COL1A1: variants seen among roughly 807,000 people sequenced by gnomAD.
COL1A1 encodes collagen type I alpha 1 chain, also known as collagen alpha-1(I) chain.
COL1A1 carries 21 observed loss-of-function variants against 195.7 expected under a neutral mutation model. The ratio of observed to expected loss-of-function variants is 0.11; its 90% CI spans 0.08 to 0.15. The LOEUF is 0.15. Ranked by LOEUF, COL1A1 falls within the 10% of genes least tolerant of loss-of-function variation. The pLI is 1.00. For synonymous variants in COL1A1, 749 were observed against 747.3 expected, an observed-to-expected ratio of 1.00 and a Z score of -0.04; for missense variants, 1,365 against 2,051.0, an observed-to-expected ratio of 0.67 and a Z score of 6.46.
At chr17:50,193,384 A>C in intron 25 of COL1A1, 1 of 416,032 alleles carries the variant, frequency 2.4e-6, no homozygotes, top group Non-Finnish European at 4.4e-6. Context: ...TCCTATCCCC[A>C]CGTGTCGGGG....
chr17:50,187,646 T>C (rs1906670327), intron 45 of COL1A1, 109 bp from the exon 46 acceptor site: 1 of 1,249,076 alleles, frequency 8.0e-7, no homozygotes, highest in African/African-American at 1.5e-5. Flanking sequence ...CCCTTCATTA[T>C]TCTGGAAATC....
At position 50,186,279 on chromosome 17, in the gene COL1A1, C is replaced by G. The variant is rs1278754188; in HGVS notation, c.4005+38G>C. 5 of 1,612,756 alleles carry G rather than the reference C, an allele frequency of 3.1e-6. No individual in the cohort carries two copies. ...GTCCCTTCTGAGCACTGGGCTAGCC[C>G]ATCTCCTAACACTGGCTCTGAGGTC... is the stretch of plus-strand genomic sequence containing the variant. On this transcript the variant is annotated intron_variant, in intron 49 of 50. Transcript: ENST00000225964. The surrounding 1 kb of genome is among the most constrained non-coding windows in gnomAD (Gnocchi z 5.3).
In COL1A1 at chr17:50,190,988, C is replaced by T. The variant is rs1907026019; in HGVS notation, c.2236-64G>A. The T allele has an allele frequency of 1.2e-5, 18 of 1,505,398 alleles. No individual in the cohort carries two copies. Among genetic ancestry groups the T allele is most frequent in the East Asian group, 2.3e-5 (1 of 43,658 alleles). 93.3% of individuals were successfully genotyped at this position (1,505,398 alleles called of 1,614,324 possible). On this transcript the variant is annotated intron_variant, in intron 32 of 50. Coordinates refer to ENST00000225964, the MANE Select transcript of COL1A1 (RefSeq NM_000088.4). The surrounding 1 kb of genome is among the most constrained non-coding windows in gnomAD (Gnocchi z 4.7). ...CAAGGAGGTGACCTATAGTGTTCTG[C>T]TTGTGTCTGGGTTTCCTGAGAGGCC... is the stretch of plus-strand genomic sequence containing the variant.
rs554217471 is a variant in COL1A1 at position 50,185,024 on chromosome 17, G to A, written c.*478C>T. On this transcript the variant is annotated 3_prime_UTR_variant, in exon 51 of 51. Transcript: ENST00000225964. Reference sequence around the variant, plus strand: ...CGGGCTGAGGGTGGGGGCCACTTGGGTGTTTGAGCATTGCCTTTGATTGCT... The same window carrying A: ...CGGGCTGAGGGTGGGGGCCACTTGGATGTTTGAGCATTGCCTTTGATTGCT... 8.4e-6 allele frequency: 2 copies of A among 237,506 alleles called. No homozygotes were observed. Among genetic ancestry groups the A allele is most frequent in the East Asian group, 6.0e-5 (1 of 16,544 alleles). The allele number at this position is 237,506 out of a possible 1,614,324, so 14.7% of individuals were successfully genotyped here.
In COL1A1 at chr17:50,194,313, G is replaced by C; in HGVS notation, c.1614+36C>G. 5 of 1,611,694 alleles carry C rather than the reference G, an allele frequency of 3.1e-6. No homozygotes were observed. The highest frequency in any genetic ancestry group is 3.4e-6 in the Non-Finnish European group (4 of 1,178,046). On this transcript the variant is annotated intron_variant, in intron 23 of 50. Coordinates refer to ENST00000225964, the MANE Select transcript of COL1A1 (RefSeq NM_000088.4). The surrounding 1 kb of genome is among the most constrained non-coding windows in gnomAD (Gnocchi z 6.8). ...CCAGACCCTACACGGGATGGTCAGGGCCTGGCCAAGCCAGGCTGAAAGCCT... is the reference window on the plus strand; with the variant it reads ...CCAGACCCTACACGGGATGGTCAGGCCCTGGCCAAGCCAGGCTGAAAGCCT...
At chr17:50,200,783 G>A (rs973603248) in intron 1 of COL1A1, among the ~76,000 whole-genome samples, 2 of 152,176 alleles carry the variant, frequency 1.3e-5, no homozygotes, top group South Asian at 4.1e-4. Flanking sequence ...TCCAGATCTA[G>A]AGGTGGGGGT....
At chr17:50,199,652 G>C in intron 2 of COL1A1, 62 bp from the exon 3 acceptor site, 4 of 1,612,618 alleles carry the variant, frequency 2.5e-6, no homozygotes, top group Non-Finnish European at 3.4e-6. Context: ...CGTCGGCAGA[G>C]GCCTCCAGCA....
At position 50,186,271 on chromosome 17, in the gene COL1A1, G is replaced by T; in HGVS notation, c.4005+46C>A. The T allele has an allele frequency of 6.2e-7, 1 of 1,610,564 alleles. No individual in the cohort carries two copies. Among genetic ancestry groups the T allele is most frequent in the South Asian group, 1.1e-5 (1 of 91,034 alleles). ...GACTTCATGTCCCTTCTGAGCACTG[G>T]GCTAGCCCATCTCCTAACACTGGCT... On this transcript the variant is annotated intron_variant, in intron 49 of 50. Transcript: ENST00000225964. This position sits in a 1 kb window ranked among gnomAD's most constrained non-coding sequence, Gnocchi z 5.3.
chr17:50,200,292 C>G (rs73987451), intron 1 of COL1A1: 6,796 of 391,894 alleles, frequency 0.017, 403 homozygotes, highest in African/African-American at 0.13. Flanking sequence ...AGGAGGGGCC[C>G]CATCGGGAGG....
chr17:50,193,092 C>T lies in COL1A1; in HGVS notation c.1768-45G>A, dbSNP rs1464063146. The T allele has an allele frequency of 2.5e-6, 4 of 1,596,026 alleles. No homozygotes were observed. In the East Asian group the frequency reaches 6.7e-5, roughly 27 times the overall value. On this transcript the variant is annotated intron_variant, in intron 25 of 50. Coordinates refer to ENST00000225964, the MANE Select transcript of COL1A1 (RefSeq NM_000088.4). ...GGGTTGAGGGGGCTGAAGTGAGAAG[C>T]CAGGGCCTCCTGGGGCCTCTCATTT... is the stretch of plus-strand genomic sequence containing the variant.
intron 1 of COL1A1, among the ~76,000 whole-genome samples, chr17:50,200,771 T>G (rs1458421038): frequency 6.6e-6 from 1 of 152,222 alleles, no homozygotes; most frequent in Admixed American, 6.5e-5. Flanking sequence ...CTGGCTTTAC[T>G]TTCCAGATCT....
At position 50,189,077 on chromosome 17, in the gene COL1A1, T is replaced by G. The variant is rs368422290; in HGVS notation, c.2938-67A>C. ...AGGACCCTTGAGTCCGCTGGAGTCA[T>G]CTCTACCAAATCTGTTCTCCTTGGC... is the stretch of plus-strand genomic sequence containing the variant. On this transcript the variant is annotated intron_variant, in intron 40 of 50. Coordinates refer to ENST00000225964, the MANE Select transcript of COL1A1 (RefSeq NM_000088.4). The surrounding 1 kb of genome is among the most constrained non-coding windows in gnomAD (Gnocchi z 5.5). 6 of 1,570,896 alleles carry G rather than the reference T, an allele frequency of 3.8e-6. 1 individual carries two copies.
Position 50,185,988 on chromosome 17 carries a change from G to A in COL1A1, c.4038C>T (p.Ala1346=), listed in dbSNP as rs768810493. 2.4e-5 allele frequency: 38 copies of A among 1,613,158 alleles called. No individual in the cohort carries two copies. The East Asian group carries it at 2.9e-4, about 12-fold the overall frequency. The change falls in exon 50 of 51, where the codon GCC becomes GCT. Residue 1346 remains alanine (A), a synonymous_variant. Transcript: ENST00000225964. ...FEYGGQGSDP[A]DVAIQLTFLR... is the part of the protein sequence containing the mutation. ...GGAAGGTCAGCTGGATGGCCACATC[G>A]GCAGGGTCGGAGCCCTGGCCGCCAT...
In COL1A1 at chr17:50,191,800, G is replaced by A. The variant is rs41316673; in HGVS notation, c.2115C>T (p.Asn705=). The A allele has an allele frequency of 1.7e-4, 264 of 1,587,696 alleles. 1 individual carries two copies. In the Admixed American group the frequency reaches 2.8e-3, roughly 17 times the overall value. ...ACGCTGCCCTCACCTTAGCACCATC[G>A]TTGCCGGGAGCACCGTTGGCCCCTC... ...GPRGANGAPG[N]DGAKGDAGAP... The change falls in exon 31 of 51, where the codon AAC becomes AAT. Residue 705 remains asparagine (N), a synonymous_variant. Coordinates refer to ENST00000225964, the MANE Select transcript of COL1A1 (RefSeq NM_000088.4).
Position 50,189,532 on chromosome 17 carries a change from C to T in COL1A1, c.2674G>A (p.Ala892Thr). 1.2e-6 allele frequency: 2 copies of T among 1,613,860 alleles called. No homozygotes were observed. The highest frequency in any genetic ancestry group is 1.7e-6 in the Non-Finnish European group (2 of 1,179,972). Residue 892 changes from alanine to threonine, a missense_variant, in exon 39 of 51, where the codon GCT (alanine) becomes ACT (threonine). Ala to Thr is a moderately conservative substitution (Grantham distance 58, BLOSUM62 0). This residue lies in a region of COL1A1 where 671 missense variants were observed against 1,099.9 expected (regional missense o/e 0.61). Coordinates refer to ENST00000225964, the MANE Select transcript of COL1A1 (RefSeq NM_000088.4). The surrounding 1 kb of genome is among the most constrained non-coding windows in gnomAD (Gnocchi z 5.5). ...RVGPPGPSGN[A>T]GPPGPPGPAG... The stretch of plus-strand genomic sequence containing the variant: ...GGACCAGGAGGGCCAGGGGGTCCAG[C>T]ATTTCCCTGGATGAGGATAGGAGGG...
chr17:50,185,463 T>C lies in COL1A1; in HGVS notation c.*39A>G. ...TCTGTTTCCGGGTTGGGGGGAAAGTTGGTTGGGTGGGAGGGAGCCAGGTTG... is the reference window on the plus strand; with the variant it reads ...TCTGTTTCCGGGTTGGGGGGAAAGTCGGTTGGGTGGGAGGGAGCCAGGTTG... On this transcript the variant is annotated 3_prime_UTR_variant, in exon 51 of 51. Coordinates refer to ENST00000225964, the MANE Select transcript of COL1A1 (RefSeq NM_000088.4). The C allele has an allele frequency of 6.2e-7, 1 of 1,611,976 alleles. No homozygotes were observed.
chr17:50,201,111 C>A (rs1215908417), intron 1 of COL1A1, among the ~76,000 whole-genome samples: 1 of 152,170 alleles, frequency 6.6e-6, no homozygotes, highest in East Asian at 1.9e-4. Context: ...CCATCTTCGA[C>A]GTGCTTTCCT....
Position 50,190,186 on chromosome 17 carries a change from G to A in COL1A1, c.2452-78C>T, listed in dbSNP as rs1445860934. 1 of 1,330,596 alleles carries A rather than the reference G, an allele frequency of 7.5e-7. No homozygotes were observed. Among genetic ancestry groups the A allele is most frequent in the Non-Finnish European group, 1.1e-6 (1 of 922,606 alleles). 82.4% of individuals were successfully genotyped at this position (1,330,596 alleles called of 1,614,324 possible). Reference sequence around the variant, plus strand: ...TACCTGGGGGAGGAGCAGTAATGGAGGCAGGAAGATGCTTGGGTGGGAAAC... The same window carrying A: ...TACCTGGGGGAGGAGCAGTAATGGAAGCAGGAAGATGCTTGGGTGGGAAAC... On this transcript the variant is annotated intron_variant, in intron 35 of 50. Transcript: ENST00000225964. The surrounding 1 kb of genome is among the most constrained non-coding windows in gnomAD (Gnocchi z 4.7).
chr17:50,200,757 A>T (rs1325901752), intron 1 of COL1A1, among the ~76,000 whole-genome samples: 1 of 152,158 alleles, frequency 6.6e-6, no homozygotes, highest in Non-Finnish European at 1.5e-5. Context: ...GGGCTGCCCC[A>T]TCCCTGGCTT....
Sources: gnomAD v4.1 joint callset for allele counts (sites outside exome capture counted in the v4.1 genomes callset) on GRCh38, gnomAD v4.1.1 for gene constraint, gnomAD v4.1.1 regional missense constraint, Gnocchi (gnomAD v3.1) non-coding constraint, MANE v1.5 for transcripts, NCBI Gene and HGNC (gene_info 2026-07-23, HGNC 2026-07-21) for gene names.